Variants in PRKCH observed in about 807,000 individuals in gnomAD.
The protein encoded by PRKCH is protein kinase C eta type.
A neutral mutation model predicts 82.5 loss-of-function variants in PRKCH; 28 were observed. The observed-to-expected ratio is 0.34, with a 90% confidence interval of 0.25 to 0.47. The LOEUF (loss-of-function observed/expected upper bound fraction) is 0.47. Among genes scored for constraint, PRKCH ranks in the 20% least tolerant of loss-of-function variants. PRKCH has a pLI of 1.00. For synonymous variants in PRKCH, 322 were observed against 327.4 expected (o/e 0.98, Z 0.18); for missense variants, 705 against 881.8 (o/e 0.80, Z 2.54).
At chr14:61,445,775 A>C (rs1299951946) in intron 4 of PRKCH, 49 bp downstream of exon 4, 1 of 1,531,638 alleles carries the variant, frequency 6.5e-7, no homozygotes, top group African/African-American at 1.4e-5. Context: ...CTATGTTAAA[A>C]GAAATGATTA....
At chr14:61,412,052 T>C (rs1203043322) in intron 2 of PRKCH, among the ~76,000 whole-genome samples, 1 of 152,204 alleles carries the variant, frequency 6.6e-6, no homozygotes, top group Admixed American at 6.5e-5. Flanking sequence ...GGCCGAACTA[T>C]TTCTGAGTAA....
intron 9 of PRKCH, among the ~76,000 whole-genome samples, chr14:61,469,906 G>A (rs151304265): frequency 3.7e-4 from 57 of 152,168 alleles, no homozygotes; most frequent in Non-Finnish European, 7.5e-4. Flanking sequence ...TGAGGACGCA[G>A]CAGTGAGCAA....
At chr14:61,276,554 C>T (rs1043609401) in intron 1 of PRKCH, among the ~76,000 whole-genome samples, 1 of 151,776 alleles carries the variant, frequency 6.6e-6, no homozygotes, top group African/African-American at 2.4e-5. Context: ...CGGGGTTTCA[C>T]CATGTTGGCC....
intron 1 of PRKCH, among the ~76,000 whole-genome samples, chr14:61,324,103 C>T (rs1016921995): frequency 2.6e-5 from 4 of 152,152 alleles, no homozygotes; most frequent in African/African-American, 9.7e-5. Flanking sequence ...CCCCATCATC[C>T]GTACTTTTAG....
intron 1 of PRKCH, among the ~76,000 whole-genome samples, chr14:61,364,985 A>T (rs971774905): frequency 2.6e-5 from 4 of 152,026 alleles, no homozygotes; most frequent in African/African-American, 9.7e-5. Flanking sequence ...CGGTAGGGTG[A>T]TGTAGTCTCC....
chr14:61,515,066 A>T (rs904440010), intron 10 of PRKCH, among the ~76,000 whole-genome samples: 1 of 152,184 alleles, frequency 6.6e-6, no homozygotes, highest in African/African-American at 2.4e-5. Flanking sequence ...ACAGTGAAAA[A>T]TTTAAGAAGT....
At chr14:61,417,777 T>C (rs1399503398) in intron 2 of PRKCH, among the ~76,000 whole-genome samples, 6 of 152,222 alleles carry the variant, frequency 3.9e-5, no homozygotes, top group Non-Finnish European at 8.8e-5. Flanking sequence ...GAGCCTGTAG[T>C]GTGATTGAAT....
At chr14:61,311,091 C>A (rs928171034) in intron 1 of PRKCH, among the ~76,000 whole-genome samples, 4 of 152,234 alleles carry the variant, frequency 2.6e-5, no homozygotes, top group South Asian at 2.1e-4. Flanking sequence ...TCCTAGGCCT[C>A]CAGATCTGTG....
intron 1 of PRKCH, among the ~76,000 whole-genome samples, chr14:61,349,847 C>T (rs777304511): frequency 9.2e-5 from 14 of 151,970 alleles, no homozygotes; most frequent in South Asian, 4.2e-4. Flanking sequence ...GGCAACAGAA[C>T]GAGACTCCAT....
chr14:61,442,280 G>A (rs77800308), intron 2 of PRKCH, among the ~76,000 whole-genome samples: 2 of 152,148 alleles, frequency 1.3e-5, no homozygotes, highest in Non-Finnish European at 2.9e-5. Context: ...AAAGCGTGAG[G>A]TTAGAAAAGG....
chr14:61,248,962 C>G (rs778321484), intron 1 of PRKCH, among the ~76,000 whole-genome samples: 1 of 152,006 alleles, frequency 6.6e-6, no homozygotes, highest in African/African-American at 2.4e-5. Flanking sequence ...CCACCATTCT[C>G]GGCTAATTTT....
chr14:61,257,958 A>G (rs964619675), intron 1 of PRKCH, among the ~76,000 whole-genome samples: 1 of 140,624 alleles, frequency 7.1e-6, no homozygotes, highest in African/African-American at 2.5e-5. Flanking sequence ...AACTAATTAT[A>G]TCATTCGTTT....
At chr14:61,481,460 A>G (rs17098476) in intron 9 of PRKCH, among the ~76,000 whole-genome samples, 7,786 of 152,192 alleles carry the variant, frequency 0.051, 416 homozygotes, top group East Asian at 0.24. Context: ...GGATGCAACA[A>G]TTTCTTTTTG....
rs1324929195 is a variant in PRKCH, at chr14:61,321,819, C to A, written c.-283C>A. ...AGAAGGGGCGAGTCCTGCGCGAGTC[C>A]CCGGGAGGCGCCGCGCGCTTGGAAG... On this transcript the variant is annotated 5_prime_UTR_variant, in exon 1 of 14. Coordinates refer to ENST00000332981, the MANE Select transcript of PRKCH (RefSeq NM_006255.5). This position sits in a 1 kb window ranked among gnomAD's most constrained non-coding sequence, Gnocchi z 4.1. The A allele has an allele frequency of 3.0e-6, 1 of 337,546 alleles. No individual in the cohort carries two copies. The allele number at this position is 337,546 out of a possible 1,614,324, so 20.9% of individuals were successfully genotyped here.
At chr14:61,430,301 A>G (rs1883320822) in intron 2 of PRKCH, among the ~76,000 whole-genome samples, 1 of 152,202 alleles carries the variant, frequency 6.6e-6, no homozygotes, top group African/African-American at 2.4e-5. Flanking sequence ...AAAAAGACCA[A>G]CAACACTAAA....
chr14:61,262,242 G>C (rs1429123513), intron 1 of PRKCH, among the ~76,000 whole-genome samples: 2 of 111,848 alleles, frequency 1.8e-5, no homozygotes, highest in African/African-American at 8.1e-5. Flanking sequence ...AGAATATTCA[G>C]AGCAGCATTA....
chr14:61,408,257 G>A (rs1441984973), intron 2 of PRKCH, among the ~76,000 whole-genome samples: 1 of 152,122 alleles, frequency 6.6e-6, no homozygotes, highest in Non-Finnish European at 1.5e-5. Flanking sequence ...TCACTGCTTT[G>A]GGGAGCTTTT....
At chr14:61,458,764 G>C (rs912546408) in intron 9 of PRKCH, among the ~76,000 whole-genome samples, 1 of 152,160 alleles carries the variant, frequency 6.6e-6, no homozygotes, top group African/African-American at 2.4e-5. Flanking sequence ...GCAGGAGAGA[G>C]AGAGAGTGAA....
chr14:61,436,544 T>C (rs1263969371), intron 2 of PRKCH, among the ~76,000 whole-genome samples: 1 of 152,168 alleles, frequency 6.6e-6, no homozygotes, highest in Admixed American at 6.5e-5. Flanking sequence ...TTTCAACTTA[T>C]TTTTTTGAGG....
Sources: allele counts gnomAD v4.1 joint callset (sites outside exome capture counted in the v4.1 genomes callset), GRCh38; gene constraint gnomAD v4.1.1; non-coding constraint Gnocchi (gnomAD v3.1); transcripts MANE v1.5; gene names NCBI Gene and HGNC (gene_info 2026-07-23, HGNC 2026-07-21).